The following EHMT1 variants were observed in gnomAD, a reference collection of about 807,000 sequenced individuals.
EHMT1 encodes histone-lysine N-methyltransferase EHMT1.
Under a neutral mutation model 147.2 loss-of-function variants are expected in EHMT1, and 15 were observed. That is an observed-to-expected ratio of 0.10 (90% CI 0.07 to 0.16). The LOEUF is 0.16. Ranked by LOEUF, EHMT1 falls within the 10% of genes least tolerant of loss-of-function variation. The pLI, the probability that EHMT1 is intolerant of heterozygous loss-of-function variation, is 1.00. For synonymous variants in EHMT1, 795 were observed against 709.6 expected, an observed-to-expected ratio of 1.12 and a Z score of -1.91; for missense variants, 1,587 against 1,772.4, an observed-to-expected ratio of 0.90 and a Z score of 1.88.
intron 10 of EHMT1, among the ~76,000 whole-genome samples, chr9:137,772,947 C>A (rs1368353402): frequency 6.6e-6 from 1 of 152,180 alleles, no homozygotes; most frequent in Non-Finnish European, 1.5e-5. Context: ...TTACATTCTC[C>A]TGCCGTTCTG....
chr9:137,716,669 A>C lies in EHMT1; in HGVS notation c.129A>C (p.Ala43=). 6.3e-7 allele frequency: 1 copy of C among 1,598,222 alleles called. No homozygotes were observed. The change falls in exon 3 of 27, where the codon GCA becomes GCC. Residue 43 remains alanine, a synonymous_variant. Transcript: ENST00000460843. The part of the protein sequence containing the change: ...AADEGSAEKQ[A]GEAHMAADGE... ...ATGAAGGCTCAGCAGAGAAACAGGCAGGAGAGGCCCACATGGCTGCGGACG... is the reference window on the plus strand; with the variant it reads ...ATGAAGGCTCAGCAGAGAAACAGGCCGGAGAGGCCCACATGGCTGCGGACG...
At chr9:137,802,788 G>A in intron 18 of EHMT1, 5 of 1,230,544 alleles carry the variant, frequency 4.1e-6, no homozygotes, top group Non-Finnish European at 5.1e-6. Flanking sequence ...GTGGGCTGCA[G>A]GGCTTCCATG....
chr9:137,677,540 C>T (rs1038911883), intron 1 of EHMT1, among the ~76,000 whole-genome samples: 5 of 152,030 alleles, frequency 3.3e-5, no homozygotes, highest in Admixed American at 1.3e-4. Context: ...ATTCTCCTGC[C>T]TCAGCCTCCC....
intron 1 of EHMT1, among the ~76,000 whole-genome samples, chr9:137,708,239 T>G (rs1202219377): frequency 6.6e-6 from 1 of 152,236 alleles, no homozygotes; most frequent in African/African-American, 2.4e-5. Flanking sequence ...GCAGATTGGC[T>G]TCTGCACCCA....
intron 14 of EHMT1, among the ~76,000 whole-genome samples, chr9:137,781,544 G>T (rs1433417106): frequency 6.6e-6 from 1 of 152,198 alleles, no homozygotes; most frequent in East Asian, 1.9e-4. Flanking sequence ...CTGTGGTGTG[G>T]ACAAAGTAGG....
At chr9:137,686,309 C>G (rs1278799242) in intron 1 of EHMT1, among the ~76,000 whole-genome samples, 3 of 152,048 alleles carry the variant, frequency 2.0e-5, no homozygotes, top group Non-Finnish European at 1.5e-5. Context: ...AGACTTACCC[C>G]TGTGTTTTCT....
intron 2 of EHMT1, among the ~76,000 whole-genome samples, chr9:137,712,559 G>A (rs982634530): frequency 2.6e-5 from 4 of 152,176 alleles, no homozygotes; most frequent in African/African-American, 9.7e-5. Context: ...ATCATTTCGT[G>A]TGCTTACTGG....
chr9:137,823,983 C>T (rs1282050297), intron 25 of EHMT1, among the ~76,000 whole-genome samples: 2 of 152,238 alleles, frequency 1.3e-5, no homozygotes, highest in Non-Finnish European at 2.9e-5. Flanking sequence ...TGCCTTGCCT[C>T]CTCACTTTCT....
intron 10 of EHMT1, among the ~76,000 whole-genome samples, chr9:137,771,406 G>A (rs372063089): frequency 3.2e-4 from 48 of 152,062 alleles, no homozygotes; most frequent in African/African-American, 1.1e-3. Flanking sequence ...TCCCTATGTT[G>A]GCCAGGCTGG....
intron 18 of EHMT1, chr9:137,802,485 C>T (rs562355244): frequency 1.0e-5 from 4 of 398,670 alleles, no homozygotes; most frequent in Admixed American, 4.4e-5. Context: ...GAAGATTTGA[C>T]ACAGAAAAAG....
At chr9:137,719,554 C>G (rs1945724134) in intron 3 of EHMT1, among the ~76,000 whole-genome samples, 1 of 152,204 alleles carries the variant, frequency 6.6e-6, no homozygotes, top group South Asian at 2.1e-4. Context: ...TTGCAGTATT[C>G]TTCTGTACAT....
chr9:137,803,004 C>G, intron 18 of EHMT1: 1 of 1,231,532 alleles, frequency 8.1e-7, no homozygotes. Flanking sequence ...GCAGAGGCCA[C>G]CCCCAGGTGG....
intron 18 of EHMT1, among the ~76,000 whole-genome samples, chr9:137,810,767 C>T (rs945170986): frequency 1.1e-4 from 17 of 151,596 alleles, no homozygotes; most frequent in African/African-American, 3.2e-4. Context: ...GGCACGTTCT[C>T]GGCTCACTGT....
intron 2 of EHMT1, among the ~76,000 whole-genome samples, chr9:137,715,051 T>C (rs919128229): frequency 6.6e-6 from 1 of 152,240 alleles, no homozygotes; most frequent in Non-Finnish European, 1.5e-5. Flanking sequence ...TATAAATAAA[T>C]GTCTTTGATT....
intron 1 of EHMT1, among the ~76,000 whole-genome samples, chr9:137,635,716 A>T (rs1214454393): frequency 1.3e-5 from 2 of 150,748 alleles, no homozygotes; most frequent in African/African-American, 4.9e-5. Context: ...GCTACTCGGG[A>T]GGCTGAGGCA....
chr9:137,762,308 A>G (rs1356554128), intron 9 of EHMT1, among the ~76,000 whole-genome samples: 1 of 152,080 alleles, frequency 6.6e-6, no homozygotes, highest in Non-Finnish European at 1.5e-5. Context: ...TAGGAAAACA[A>G]GGTCTTAAAG....
At chr9:137,641,188 G>A in intron 1 of EHMT1, 1 of 417,680 alleles carries the variant, frequency 2.4e-6, no homozygotes, top group Non-Finnish European at 4.7e-6. Flanking sequence ...CAGTAAACCA[G>A]GTGAAGAACC....
chr9:137,728,278 T>C, intron 3 of EHMT1, 71 bp from the exon 4 acceptor site: 1 of 1,596,988 alleles, frequency 6.3e-7, no homozygotes, highest in Non-Finnish European at 8.6e-7. Context: ...AGAACTGTGA[T>C]TTTGGTTGCA....
At chr9:137,779,289 G>T (rs1029583633) in intron 13 of EHMT1, among the ~76,000 whole-genome samples, 1 of 152,236 alleles carries the variant, frequency 6.6e-6, no homozygotes, top group African/African-American at 2.4e-5. Context: ...GGCTGGTCCC[G>T]GCTGTGCTGA....
Sources: allele counts gnomAD v4.1 joint callset (sites outside exome capture counted in the v4.1 genomes callset), GRCh38; gene constraint gnomAD v4.1.1; transcripts MANE v1.5; gene names NCBI Gene and HGNC (gene_info 2026-07-23, HGNC 2026-07-21).